The following PROCA1 variants were observed in gnomAD, a reference collection of about 807,000 sequenced individuals.
The protein encoded by PROCA1 is protein PROCA1.
PROCA1 carries 22 observed loss-of-function variants against 23.2 expected under a neutral mutation model. The observed-to-expected ratio is 0.95, with a 90% confidence interval of 0.68 to 1.35. The LOEUF (loss-of-function observed/expected upper bound fraction) is 1.35, where lower values mean the gene tolerates loss of function less well. Among genes scored for constraint, PROCA1 ranks in the 40% most tolerant of loss-of-function variants. The pLI is 0.00. For missense variants in PROCA1, 469 were observed against 459.8 expected, an observed-to-expected ratio of 1.02 and a Z score of -0.18; for synonymous variants, 182 against 179.2, an observed-to-expected ratio of 1.02 and a Z score of -0.12.
chr17:28,710,351 A>T (rs566706105), intron 1 of PROCA1, among the ~76,000 whole-genome samples: 12 of 151,624 alleles, frequency 7.9e-5, no homozygotes, highest in South Asian at 4.2e-4. Flanking sequence ...AAAAAAAAAT[A>T]AAAAAAATAG....
intron 1 of PROCA1, among the ~76,000 whole-genome samples, chr17:28,710,341 A>T (rs951645232): frequency 2.0e-5 from 3 of 148,768 alleles, no homozygotes; most frequent in South Asian, 2.1e-4. Context: ...TACTAAAAAT[A>T]AAAAAAAATA....
chr17:28,711,674 G>T lies in PROCA1; in HGVS notation c.-14C>A. 1 of 1,610,306 alleles carries T rather than the reference G, an allele frequency of 6.2e-7. No individual in the cohort carries two copies. The highest frequency in any genetic ancestry group is 8.5e-7 in the Non-Finnish European group (1 of 1,178,242). On this transcript the variant is annotated 5_prime_UTR_variant, in exon 1 of 5. In the 5' UTR this introduces an upstream ATG that the reference lacks. Transcript: ENST00000682792. ...CCTGACCCACATCGCTCTCCGCCCAGGTCTTCGTCTCTACAGGACTCTTGC... is the reference window on the plus strand; with the variant it reads ...CCTGACCCACATCGCTCTCCGCCCATGTCTTCGTCTCTACAGGACTCTTGC...
At chr17:28,708,284 C>A (rs1009788163) in intron 1 of PROCA1, among the ~76,000 whole-genome samples, 1 of 152,240 alleles carries the variant, frequency 6.6e-6, no homozygotes, top group East Asian at 1.9e-4. Flanking sequence ...GGATTACAGG[C>A]GTGAGCCACT....
rs79134938 is a variant in PROCA1 at position 28,703,367 on chromosome 17, C to T, written c.*191G>A. On this transcript the variant is annotated 3_prime_UTR_variant, in exon 5 of 5. Transcript: ENST00000682792. ...CAGGTAGGAAGAAATAGGGCTGTGCCCCTTCCTTTCCCTCCCACCTGCCTT... is the reference window on the plus strand; with the variant it reads ...CAGGTAGGAAGAAATAGGGCTGTGCTCCTTCCTTTCCCTCCCACCTGCCTT... The T allele has an allele frequency of 2.4e-5, 15 of 619,884 alleles. No homozygotes were observed. The highest frequency in any genetic ancestry group is 2.2e-4 in the African/African-American group (12 of 54,348). 38.4% of individuals were successfully genotyped at this position (619,884 alleles called of 1,614,324 possible).
chr17:28,710,224 C>A lies in PROCA1; in HGVS notation c.91+1346G>T, dbSNP rs188492419. ...CATGAAAGAGACACACATGGCCAGG[C>A]GCGGTGGCTCATGCCTGTAATCCCA... On this transcript the variant is annotated intron_variant, in intron 1 of 4. Transcript: ENST00000682792. Among the ~76,000 whole-genome samples the A allele has an allele frequency of 3.3e-5, 5 of 151,188 alleles. No individual in the cohort carries two copies. In the East Asian group the frequency reaches 9.9e-4, roughly 30 times the overall value.
intron 1 of PROCA1, chr17:28,711,012 G>GGGAAGGAGTAGGGCGGGAAGGGAA: frequency 1.6e-6 from 2 of 1,218,606 alleles, no homozygotes; most frequent in South Asian, 1.4e-5. Flanking sequence ...CGGGAAGGGA[G>GGGAAGGAGTAGGGCGGGAAGGGAA]GGAAGAAACT....
Position 28,703,715 on chromosome 17 carries a change from C to T in PROCA1, c.938G>A (p.Gly313Glu), listed in dbSNP as rs1567711029. ...ATCCTCGCTGGACAGTTCTCCCTGCCCCCGGCCATTGTAACTGTCCTCGCT... is the reference window on the plus strand; with the variant it reads ...ATCCTCGCTGGACAGTTCTCCCTGCTCCCGGCCATTGTAACTGTCCTCGCT... ...LESEDSYNGRGQGELSSEDIV... is the reference protein window; with the variant it reads ...LESEDSYNGREQGELSSEDIV... The change falls in exon 5 of 5, where the codon GGG (glycine) becomes GAG (glutamate). Residue 313 changes from glycine to glutamate, a missense_variant. Physicochemically the swap from Gly to Glu is moderately conservative, Grantham distance 98. Coordinates refer to ENST00000682792, the MANE Select transcript of PROCA1 (RefSeq NM_001366301.1). 6.2e-7 allele frequency: 1 copy of T among 1,614,100 alleles called. No homozygotes were observed. Among genetic ancestry groups the T allele is most frequent in the Non-Finnish European group, 8.5e-7 (1 of 1,180,034 alleles).
intron 1 of PROCA1, chr17:28,711,025 G>A (rs1032264927): frequency 7.6e-6 from 9 of 1,178,452 alleles, no homozygotes; most frequent in Middle Eastern, 7.4e-4. Context: ...AAGAAACTAG[G>A]AGAGGAAGGA....
At position 28,704,068 on chromosome 17, in the gene PROCA1, G is replaced by A. The variant is rs769898238; in HGVS notation, c.585C>T (p.Thr195=). Residue 195 remains threonine (T), a synonymous_variant, in exon 5 of 5, where the codon ACC becomes ACT. Coordinates refer to ENST00000682792, the MANE Select transcript of PROCA1 (RefSeq NM_001366301.1). ...PPIPTQVGPA[T]ASPDLGTSMA... ...TGCTGGTGCCTAGGTCAGGGGAGGC[G>A]GTGGCGGGCCCCACCTGTGTCGGGA... The A allele has an allele frequency of 6.9e-6, 11 of 1,600,676 alleles. No individual in the cohort carries two copies. Among genetic ancestry groups the A allele is most frequent in the East Asian group, 2.2e-5 (1 of 44,750 alleles).
chr17:28,711,108 G>A, intron 1 of PROCA1: 2 of 1,181,280 alleles, frequency 1.7e-6, no homozygotes, highest in South Asian at 1.6e-5. Flanking sequence ...CCTCGCCGCC[G>A]CGGAGGTAAT....
chr17:28,704,254 G>A (rs753857173), intron 4 of PROCA1, 42 bp from the exon 5 acceptor site: 3 of 1,575,726 alleles, frequency 1.9e-6, no homozygotes, highest in Non-Finnish European at 2.6e-6. Context: ...AGAGAGTGGG[G>A]GGCAGTGCCC....
chr17:28,706,679 C>A lies in PROCA1; in HGVS notation c.175+1G>T. ...CTGGGTCAAAGGTCTCCTGGACCCA[C>A]CTTCAGAGAAGGTAGACACATCAGT... is the stretch of plus-strand genomic sequence containing the variant. On this transcript the variant is annotated splice_donor_variant, in intron 2 of 4. Coordinates refer to ENST00000682792, the MANE Select transcript of PROCA1 (RefSeq NM_001366301.1). LOFTEE classifies it high-confidence loss of function. 7.7e-7 allele frequency: 1 copy of A among 1,303,660 alleles called. No homozygotes were observed. Among genetic ancestry groups the A allele is most frequent in the South Asian group, 1.2e-5 (1 of 80,994 alleles). 80.8% of individuals were successfully genotyped at this position (1,303,660 alleles called of 1,614,324 possible).
rs773517688 is a variant in PROCA1, at chr17:28,704,107, TTCC to T, written c.543_545del (p.Glu182del). 21 of 1,580,312 alleles carry T rather than the reference TTCC, an allele frequency of 1.3e-5. No individual in the cohort carries two copies. The highest frequency in any genetic ancestry group is 6.8e-5 in the African/African-American group (5 of 73,012). ...CCTGTGTCGGGATGGGGGGCTTGCT[TTCC>T]TCCTCCTCCTCTTCCTCTTCTTCAT... is the stretch of plus-strand genomic sequence containing the variant. On this transcript the variant is annotated inframe_deletion, in exon 5 of 5. Coordinates refer to ENST00000682792, the MANE Select transcript of PROCA1 (RefSeq NM_001366301.1).
chr17:28,708,114 A>G (rs1221205043), intron 1 of PROCA1, among the ~76,000 whole-genome samples: 1 of 152,156 alleles, frequency 6.6e-6, no homozygotes, highest in Non-Finnish European at 1.5e-5. Flanking sequence ...GGTTCAAGCA[A>G]TTCTCCTGCC....
rs202051742 is a variant in PROCA1 at position 28,703,611 on chromosome 17, T to TG, written c.1041dup (p.Arg348GlnfsTer?). 699 of 1,614,252 alleles carry TG rather than the reference T, an allele frequency of 4.3e-4. 7 individuals are homozygous for TG. The East Asian group carries it at 0.014, about 32-fold the overall frequency. On this transcript the variant is annotated frameshift_variant, in exon 5 of 5. Transcript: ENST00000682792. LOFTEE classifies it high-confidence loss of function. ...GGAGATTTTCTCTTGTTTACCTTCC[T>TG]GGCTTGTGAGGGCTTTGCCCCTGTC...
At chr17:28,710,594 C>T (rs953444750) in intron 1 of PROCA1, among the ~76,000 whole-genome samples, 2 of 151,770 alleles carry the variant, frequency 1.3e-5, no homozygotes, top group Non-Finnish European at 1.5e-5. Flanking sequence ...CTCGGACACC[C>T]ATCAGCTCTG....
At chr17:28,711,458 TCTCGTTGGTTTGCCCGTCTCC>T (rs1268949936) in intron 1 of PROCA1, 91 bp downstream of exon 1, 5 of 878,702 alleles carry the variant, frequency 5.7e-6, no homozygotes, top group Non-Finnish European at 8.4e-6. Context: ...GCCCCGCCTC[TCTCGTTGGTTTGCCCGTCTCC>T]CTCGTCGGTT....
rs764592123 is a variant in PROCA1, at chr17:28,706,712, G to A, written c.143C>T (p.Ala48Val). The part of the protein sequence containing the change: ...WERGHLLAGV[A>V]SSTDVSTFSE... ...GAAGGTAGACACATCAGTGCTGGAC[G>A]CCACACCAGCCAGCAGATGTCCTCT... Residue 48 changes from alanine to valine, a missense_variant, in exon 2 of 5, where the codon GCG (alanine) becomes GTG (valine). Coordinates refer to ENST00000682792, the MANE Select transcript of PROCA1 (RefSeq NM_001366301.1). The A allele has an allele frequency of 1.8e-5, 23 of 1,303,646 alleles. No individual in the cohort carries two copies. The highest frequency in any genetic ancestry group is 1.2e-4 in the South Asian group (10 of 80,992). The allele number at this position is 1,303,646 out of a possible 1,614,324, so 80.8% of individuals were successfully genotyped here. A position where few individuals can be genotyped will look rare whatever the true frequency, so the allele number is the denominator to read the frequency against.
rs2032282449 is a variant in PROCA1 at position 28,703,992 on chromosome 17, C to T, written c.661G>A (p.Glu221Lys). 4.3e-6 allele frequency: 7 copies of T among 1,610,488 alleles called. No individual in the cohort carries two copies. Among genetic ancestry groups the T allele is most frequent in the Non-Finnish European group, 5.9e-6 (7 of 1,178,526 alleles). The change falls in exon 5 of 5, where the codon GAG (glutamate) becomes AAG (lysine). Residue 221 changes from glutamate (E) to lysine (K), a missense_variant. Coordinates refer to ENST00000682792, the MANE Select transcript of PROCA1 (RefSeq NM_001366301.1). Reference protein sequence around the residue: ...STAPITIWRSESPTGKGQGSK... With the variant: ...STAPITIWRSKSPTGKGQGSK... ...CCCTGACCCTTCCCTGTGGGGCTCT[C>T]AGAGCGCCAGATGGTGATGGGCGCT...
Sources: gnomAD v4.1 joint callset for allele counts (sites outside exome capture counted in the v4.1 genomes callset) on GRCh38, gnomAD v4.1.1 for gene constraint, MANE v1.5 for transcripts, NCBI Gene and HGNC (gene_info 2026-07-23, HGNC 2026-07-21) for gene names.